Variants in MCUB observed in about 807,000 individuals in gnomAD.
MCUB encodes the protein mitochondrial calcium uniporter dominant negative subunit beta, also known as calcium uniporter regulatory subunit MCUb, mitochondrial.
MCUB carries 46 observed loss-of-function variants against 41.4 expected under a neutral mutation model. The ratio of observed to expected loss-of-function variants is 1.11; its 90% CI spans 0.88 to 1.42. The LOEUF is 1.42. Among genes scored for constraint, MCUB ranks in the 40% most tolerant of loss-of-function variants. The pLI is 0.00. For synonymous variants in MCUB, 148 were observed against 148.2 expected (o/e 1.00, Z 0.01); for missense variants, 403 against 404.9 (o/e 1.00, Z 0.04).
At chr4:109,578,320 C>T (rs1382296481) in intron 1 of MCUB, among the ~76,000 whole-genome samples, 1 of 152,100 alleles carries the variant, frequency 6.6e-6, no homozygotes, top group Non-Finnish European at 1.5e-5. Context: ...TTAAAAATAA[C>T]TTGTTACAAA....
rs529866357 is a variant in MCUB, at chr4:109,622,852, G to A, written c.100-36159G>A. On this transcript the variant is annotated intron_variant, in intron 1 of 7. Transcript: ENST00000394650. Reference sequence around the variant, plus strand: ...AATATGCAGTACAATACTCTGTCTCGATGTGGGGCAGCAGCAGCAAGCTAC... The same window carrying A: ...AATATGCAGTACAATACTCTGTCTCAATGTGGGGCAGCAGCAGCAAGCTAC... Among the ~76,000 whole-genome samples the A allele has an allele frequency of 5.3e-5, 8 of 152,252 alleles. 1 individual carries two copies. Among genetic ancestry groups the A allele is most frequent in the Admixed American group, 4.6e-4 (7 of 15,292 alleles).
At position 109,661,981 on chromosome 4, in the gene MCUB, C is replaced by T. The variant is rs539574581; in HGVS notation, c.346+1616C>T. The stretch of plus-strand genomic sequence containing the variant: ...ATGGGAGGCGGAGGTTGCTGTGGTC[C>T]GAGATGGCACCACTGCACTCCAGCC... On this transcript the variant is annotated intron_variant, in intron 3 of 7. Coordinates refer to ENST00000394650, the MANE Select transcript of MCUB (RefSeq NM_017918.5). Among the ~76,000 whole-genome samples the T allele has an allele frequency of 1.7e-4, 26 of 152,206 alleles. No individual in the cohort carries two copies. The South Asian group carries it at 5.0e-3, about 29-fold the overall frequency.
chr4:109,612,178 C>T (rs1468961541), intron 1 of MCUB, among the ~76,000 whole-genome samples: 3 of 151,944 alleles, frequency 2.0e-5, no homozygotes, highest in African/African-American at 7.3e-5. Context: ...GGCTCTCTTC[C>T]TGGCTTGCAG....
intron 1 of MCUB, among the ~76,000 whole-genome samples, chr4:109,653,205 G>A (rs765102039): frequency 8.6e-5 from 13 of 151,946 alleles, no homozygotes; most frequent in African/African-American, 2.2e-4. Context: ...TAGAAACCCC[G>A]TCTCTACTAA....
intron 1 of MCUB, among the ~76,000 whole-genome samples, chr4:109,596,979 C>T (rs1261120825): frequency 6.6e-6 from 1 of 151,974 alleles, no homozygotes; most frequent in African/African-American, 2.4e-5. Context: ...CAAAGCACAT[C>T]TTGCACCGCC....
Position 109,682,667 on chromosome 4 carries a change from GTC to G in MCUB, c.540_541del (p.Gln181GlufsTer12). On this transcript the variant is annotated frameshift_variant, in exon 5 of 8. Coordinates refer to ENST00000394650, the MANE Select transcript of MCUB (RefSeq NM_017918.5). LOFTEE classifies it high-confidence loss of function. The stretch of plus-strand genomic sequence containing the variant: ...TATTTACAATCTTGCATTTAGAAGA[GTC>G]TCAGAAAAAGAGAGAGCACCATTTA... ...RLFTILHLEE[S>X]QKKREHHLLE... The G allele has an allele frequency of 1.2e-6, 2 of 1,613,296 alleles. No individual in the cohort carries two copies. The highest frequency in any genetic ancestry group is 1.7e-6 in the Non-Finnish European group (2 of 1,179,268).
Position 109,598,144 on chromosome 4 carries a change from C to T in MCUB, c.99+37708C>T, listed in dbSNP as rs560683869. 1.1e-3 allele frequency among the ~76,000 whole-genome samples: 158 copies of T among 147,968 alleles called. 1 individual carries two copies. Among genetic ancestry groups the T allele is most frequent in the African/African-American group, 3.7e-3 (151 of 40,358 alleles). On this transcript the variant is annotated intron_variant, in intron 1 of 7. Transcript: ENST00000394650. ...CCAGGCAGAGGGGCTCCTCACATCC[C>T]AGACGATGGGCAGCCAGGCAGAGAC...
rs558177175 is a variant in MCUB, at chr4:109,577,909, C to G, written c.99+17473C>G. Among the ~76,000 whole-genome samples the G allele has an allele frequency of 7.0e-5, 2 of 28,560 alleles. 1 individual carries two copies. Among genetic ancestry groups the G allele is most frequent in the African/African-American group, 2.2e-4 (2 of 9,196 alleles). 18.7% of individuals were successfully genotyped at this position (28,560 alleles called of 152,430 possible). On this transcript the variant is annotated intron_variant, in intron 1 of 7. Transcript: ENST00000394650. ...ACAGGTGTGAGCCACCGCGCCCGGC[C>G]GGGTACTTGAATTCTTTAAGACCTA... is the stretch of plus-strand genomic sequence containing the variant.
intron 1 of MCUB, among the ~76,000 whole-genome samples, chr4:109,578,646 T>G (rs930789470): frequency 1.3e-5 from 2 of 152,146 alleles, no homozygotes; most frequent in African/African-American, 4.8e-5. Context: ...ACTACAGGTG[T>G]GCACCACCAT....
chr4:109,588,333 A>G (rs17440005), intron 1 of MCUB, among the ~76,000 whole-genome samples: 9,093 of 152,274 alleles, frequency 0.06, 369 homozygotes, highest in Non-Finnish European at 0.092. Context: ...GTGGTGATGC[A>G]AATTGTCAGG....
At chr4:109,566,326 C>T (rs970073790) in intron 1 of MCUB, among the ~76,000 whole-genome samples, 9 of 151,222 alleles carry the variant, frequency 6.0e-5, no homozygotes, top group Admixed American at 2.6e-4. Flanking sequence ...AAAAATAAGC[C>T]GGGCTTGGTG....
chr4:109,596,895 G>A (rs1023046887), intron 1 of MCUB, among the ~76,000 whole-genome samples: 1 of 151,728 alleles, frequency 6.6e-6, no homozygotes, highest in Admixed American at 6.6e-5. Context: ...CGCAGTGTTT[G>A]TGTCCCTGGG....
chr4:109,646,256 T>G (rs9999288), intron 1 of MCUB, among the ~76,000 whole-genome samples: 21,306 of 152,062 alleles, frequency 0.14, 1,990 homozygotes, highest in African/African-American at 0.26. Context: ...GAAACTAAAT[T>G]GATCTAGAAC....
At chr4:109,684,305 G>T in intron 5 of MCUB, 138 bp from the exon 6 acceptor site, 1 of 580,092 alleles carries the variant, frequency 1.7e-6, no homozygotes, top group South Asian at 2.4e-5. Flanking sequence ...CTCGTGATCC[G>T]CCCACCTCGG....
intron 7 of MCUB, 135 bp from the exon 8 acceptor site, chr4:109,687,379 TC>T (rs1298533267): frequency 3.2e-5 from 19 of 598,218 alleles, no homozygotes; most frequent in Middle Eastern, 2.6e-4. Flanking sequence ...TATATATATT[TC>T]AGCCATTTGC....
intron 4 of MCUB, among the ~76,000 whole-genome samples, chr4:109,670,333 T>C (rs1005611111): frequency 4.0e-4 from 57 of 142,840 alleles, no homozygotes; most frequent in African/African-American, 1.7e-3. Context: ...GTTGGGTTTT[T>C]CTTTTCCCCT....
intron 1 of MCUB, among the ~76,000 whole-genome samples, chr4:109,566,276 T>C (rs1326120527): frequency 1.3e-5 from 2 of 151,688 alleles, no homozygotes; most frequent in Admixed American, 6.6e-5. Context: ...GAGACTATCC[T>C]GGCTAACACG....
intron 4 of MCUB, among the ~76,000 whole-genome samples, chr4:109,677,158 T>A (rs1729591862): frequency 6.6e-6 from 1 of 152,274 alleles, no homozygotes; most frequent in Admixed American, 6.5e-5. Flanking sequence ...TAATGTTGTT[T>A]ACTACCCTGT....
intron 1 of MCUB, chr4:109,648,469 T>C (rs1728885466): frequency 3.1e-6 from 1 of 324,618 alleles, no homozygotes; most frequent in African/African-American, 2.2e-5. Flanking sequence ...GTATTCTGTT[T>C]CTGTTCTGTT....
Sources: gnomAD v4.1 joint callset for allele counts (sites outside exome capture counted in the v4.1 genomes callset) on GRCh38, gnomAD v4.1.1 for gene constraint, MANE v1.5 for transcripts, NCBI Gene and HGNC (gene_info 2026-07-23, HGNC 2026-07-21) for gene names.